FREM1: variants seen among roughly 807,000 people sequenced by gnomAD.
FREM1 encodes FRAS1-related extracellular matrix protein 1.
Under a neutral mutation model 210.1 loss-of-function variants are expected in FREM1, and 220 were observed. The observed-to-expected ratio is 1.05, with a 90% CI of 0.94 to 1.17. FREM1 has a LOEUF of 1.17. Ranked by LOEUF, FREM1 falls within the 50% of genes most tolerant of loss-of-function variation. The probability of loss-of-function intolerance (pLI) is 0.00; values close to 1 mark genes in which losing one functional copy is unlikely to be tolerated. For synonymous variants in FREM1, 1,189 were observed against 980.2 expected, an observed-to-expected ratio of 1.21 and a Z score of -3.98; for missense variants, 3,454 against 2,675.5, an observed-to-expected ratio of 1.29 and a Z score of -6.42.
chr9:14,759,108 A>G (rs1413428841), intron 28 of FREM1, among the ~76,000 whole-genome samples: 1 of 152,220 alleles, frequency 6.6e-6, no homozygotes, highest in Non-Finnish European at 1.5e-5. Context: ...AGCAGAGTTC[A>G]GCCCAAGTTC....
At chr9:14,758,247 C>A (rs1203930900) in intron 28 of FREM1, among the ~76,000 whole-genome samples, 1 of 152,160 alleles carries the variant, frequency 6.6e-6, no homozygotes, top group Non-Finnish European at 1.5e-5. Flanking sequence ...ACTCAGCTGG[C>A]ACGTTTGTTG....
Position 14,876,575 on chromosome 9 carries a change from G to C in FREM1, c.-267-7331C>G, listed in dbSNP as rs375656922. On this transcript the variant is annotated intron_variant, in intron 1 of 36. Transcript: ENST00000380880. ...GGAGTGACCCAATCTTCCAGGTGCC[G>C]TCTGTCACCCCTTTCTTTGACTAGG... 5.3e-5 allele frequency among the ~76,000 whole-genome samples: 8 copies of C among 152,200 alleles called. No individual in the cohort carries two copies. The East Asian group carries it at 1.6e-3, about 30-fold the overall frequency.
At chr9:14,861,026 TATAC>T (rs1215848489) in intron 3 of FREM1, among the ~76,000 whole-genome samples, 7 of 74,892 alleles carry the variant, frequency 9.3e-5, no homozygotes, top group African/African-American at 3.5e-4. Flanking sequence ...TATACACATA[TATAC>T]ATATATACAT....
chr9:14,875,802 G>T, intron 1 of FREM1, among the ~76,000 whole-genome samples: 1 of 152,024 alleles, frequency 6.6e-6, no homozygotes, highest in Non-Finnish European at 1.5e-5. Context: ...CCATCTTTGT[G>T]GTTTTATCTA....
At chr9:14,860,555 A>ATGTGTGTATATATGTGTG (rs1564098631) in intron 3 of FREM1, among the ~76,000 whole-genome samples, 1 of 116,620 alleles carries the variant, frequency 8.6e-6, no homozygotes, top group African/African-American at 4.2e-5. Flanking sequence ...ACATATATAT[A>ATGTGTGTATATATGTGTG]CACACATATA....
At chr9:14,843,882 C>CCAGTAAT (rs1353158824) in intron 8 of FREM1, among the ~76,000 whole-genome samples, 8 of 152,298 alleles carry the variant, frequency 5.3e-5, no homozygotes, top group Admixed American at 5.2e-4. Flanking sequence ...AGACCAAGAG[C>CCAGTAAT]TAGAGCTCTA....
At chr9:14,840,720 A>T (rs1825532687) in intron 10 of FREM1, among the ~76,000 whole-genome samples, 1 of 152,146 alleles carries the variant, frequency 6.6e-6, no homozygotes, top group Non-Finnish European at 1.5e-5. Context: ...ACTTAATTTC[A>T]GCTGTCCTTT....
intron 27 of FREM1, among the ~76,000 whole-genome samples, chr9:14,764,460 T>C (rs1046879116): frequency 2.0e-5 from 3 of 152,242 alleles, no homozygotes; most frequent in African/African-American, 7.2e-5. Flanking sequence ...CTTTGACTAT[T>C]GTTAGGCTTT....
chr9:14,747,293 A>T lies in FREM1; in HGVS notation c.5980T>A (p.Ser1994Thr). 6.2e-7 allele frequency: 1 copy of T among 1,613,526 alleles called. No individual in the cohort carries two copies. The highest frequency in any genetic ancestry group is 8.5e-7 in the Non-Finnish European group (1 of 1,179,746). ...AELPQADKVE[S>T]TTDSHFPRQD... is the part of the protein sequence containing the mutation. ...CTGGGGAAGTGTGAGTCAGTTGTGGATTCCACCTTATCTGCTTGAGGCAGT... is the reference window on the plus strand; with the variant it reads ...CTGGGGAAGTGTGAGTCAGTTGTGGTTTCCACCTTATCTGCTTGAGGCAGT... The change falls in exon 33 of 37, where the codon TCC (serine) becomes ACC (threonine). Residue 1994 changes from serine (S) to threonine (T), a missense_variant. Transcript: ENST00000380880.
At chr9:14,811,969 T>A (rs572130687) in intron 16 of FREM1, among the ~76,000 whole-genome samples, 2 of 152,066 alleles carry the variant, frequency 1.3e-5, no homozygotes, top group Non-Finnish European at 2.9e-5. Context: ...AGCCAGCAGA[T>A]GAAATATGCA....
intron 19 of FREM1, among the ~76,000 whole-genome samples, chr9:14,803,030 CTCTT>C (rs938100500): frequency 2.4e-5 from 3 of 124,344 alleles, no homozygotes; most frequent in Non-Finnish European, 3.3e-5. Flanking sequence ...TTTCTTCTTT[CTCTT>C]TCTTTTCTTC....
Position 14,747,367 on chromosome 9 carries a change from G to A in FREM1, c.5906C>T (p.Ala1969Val), listed in dbSNP as rs977729728. The change falls in exon 33 of 37, where the codon GCC becomes GTC. Residue 1969 changes from alanine (A) to valine (V), a missense_variant. By Grantham distance (64) the Ala-to-Val change is moderately conservative. Transcript: ENST00000380880. ...DDSFPTHKRK[A>V]KVSIISQPQK... ...TGGCTGACTAATGATGGATACTTTG[G>A]CCTTCCTTTTGTGAGTTGGGAAACT... 3.1e-6 allele frequency: 5 copies of A among 1,613,566 alleles called. No homozygotes were observed. Among genetic ancestry groups the A allele is most frequent in the Non-Finnish European group, 4.2e-6 (5 of 1,179,674 alleles).
chr9:14,861,923 C>G (rs1269134209), intron 3 of FREM1, among the ~76,000 whole-genome samples: 1 of 152,214 alleles, frequency 6.6e-6, no homozygotes, highest in African/African-American at 2.4e-5. Flanking sequence ...CTAGGTCTTA[C>G]CCATTCTAAC....
chr9:14,777,179 A>G (rs934033656), intron 24 of FREM1, among the ~76,000 whole-genome samples: 6 of 152,210 alleles, frequency 3.9e-5, no homozygotes, highest in African/African-American at 1.4e-4. Context: ...GACAAGCAAA[A>G]TCTTTCTTAC....
chr9:14,748,006 C>A (rs1160090070), intron 31 of FREM1, among the ~76,000 whole-genome samples: 1 of 152,168 alleles, frequency 6.6e-6, no homozygotes. Context: ...CAAGAACACA[C>A]ACACACACGC....
chr9:14,909,827 T>C (rs773853247), intron 1 of FREM1, 87 bp downstream of exon 1: 4 of 152,224 alleles, frequency 2.6e-5, no homozygotes, highest in Admixed American at 1.3e-4. Context: ...TTGGCATTAA[T>C]GATATCACAC....
intron 2 of FREM1, among the ~76,000 whole-genome samples, chr9:14,868,275 A>T (rs372512568): frequency 1.3e-5 from 2 of 152,184 alleles, no homozygotes; most frequent in African/African-American, 4.8e-5. Flanking sequence ...AATAACTCCA[A>T]TGTAATTCTC....
At chr9:14,814,644 C>T (rs917634013) in intron 15 of FREM1, among the ~76,000 whole-genome samples, 2 of 152,190 alleles carry the variant, frequency 1.3e-5, no homozygotes, top group African/African-American at 4.8e-5. Flanking sequence ...TCATTTAAGA[C>T]CTTCTCCAGT....
At chr9:14,872,550 A>G (rs1292411002) in intron 1 of FREM1, among the ~76,000 whole-genome samples, 2 of 152,202 alleles carry the variant, frequency 1.3e-5, no homozygotes, top group African/African-American at 4.8e-5. Flanking sequence ...GTTGCTTATC[A>G]GCTTAAGGAG....
Sources: allele counts gnomAD v4.1 joint callset (sites outside exome capture counted in the v4.1 genomes callset), GRCh38; gene constraint gnomAD v4.1.1; transcripts MANE v1.5; gene names NCBI Gene and HGNC (gene_info 2026-07-23, HGNC 2026-07-21).